ARHGAP35: variants seen among roughly 807,000 people sequenced by gnomAD.
ARHGAP35 encodes rho GTPase-activating protein 35.
In ARHGAP35, 15 loss-of-function variants were observed where a neutral mutation model predicts 111.1. That is an observed-to-expected ratio of 0.13 (90% CI 0.09 to 0.21). The LOEUF is 0.21. Ranked by LOEUF, ARHGAP35 falls within the 10% of genes least tolerant of loss-of-function variation. The pLI, the probability that ARHGAP35 is intolerant of heterozygous loss-of-function variation, is 1.00. For missense variants in ARHGAP35, 1,262 were observed against 1,873.0 expected, an observed-to-expected ratio of 0.67 and a Z score of 6.02; for synonymous variants, 643 against 710.3, an observed-to-expected ratio of 0.91 and a Z score of 1.51.
rs1408743374 is a variant in ARHGAP35 at position 46,891,833 on chromosome 19, T to C, written c.-188-26655T>C. On this transcript the variant is annotated intron_variant, in intron 1 of 6. Coordinates refer to ENST00000672722, the MANE Select transcript of ARHGAP35 (RefSeq NM_004491.5). ...TCAGATTGTCAAAGGGATTCTTAAC[T>C]GCCAAAAGATTAAGAATTGGTTAAC... is the stretch of plus-strand genomic sequence containing the variant. Among the ~76,000 whole-genome samples the C allele has an allele frequency of 2.0e-5, 3 of 152,124 alleles. No individual in the cohort carries two copies. In the East Asian group the frequency reaches 5.8e-4, roughly 29 times the overall value.
intron 3 of ARHGAP35, among the ~76,000 whole-genome samples, chr19:46,962,325 C>CAG (rs1260541432): frequency 6.6e-6 from 1 of 152,208 alleles, no homozygotes; most frequent in East Asian, 1.9e-4. Flanking sequence ...TGCAAGAAGC[C>CAG]AGAGCCCTGG....
chr19:46,925,177 C>T (rs1313637586), intron 2 of ARHGAP35, among the ~76,000 whole-genome samples: 1 of 152,182 alleles, frequency 6.6e-6, no homozygotes, highest in Non-Finnish European at 1.5e-5. Flanking sequence ...ATGGAGTATC[C>T]TCTGGAAAGA....
intron 1 of ARHGAP35, among the ~76,000 whole-genome samples, chr19:46,869,317 C>T (rs983783023): frequency 2.6e-5 from 4 of 151,874 alleles, no homozygotes; most frequent in Non-Finnish European, 5.9e-5. Context: ...GTTGGCCAGG[C>T]GTGGTGGCTC....
chr19:46,864,595 C>T (rs756724140), intron 1 of ARHGAP35, among the ~76,000 whole-genome samples: 15 of 152,214 alleles, frequency 9.9e-5, no homozygotes, highest in Non-Finnish European at 1.8e-4. Context: ...GGACCATTCA[C>T]TCATCAAATA....
chr19:46,891,349 GA>G (rs2122152249), intron 1 of ARHGAP35, among the ~76,000 whole-genome samples: 1 of 152,056 alleles, frequency 6.6e-6, no homozygotes, highest in South Asian at 2.1e-4. Flanking sequence ...GGGGAGTTTG[GA>G]ATTCCTAGTT....
At chr19:46,875,821 A>G (rs932383862) in intron 1 of ARHGAP35, among the ~76,000 whole-genome samples, 6 of 152,078 alleles carry the variant, frequency 3.9e-5, no homozygotes, top group Non-Finnish European at 7.4e-5. Flanking sequence ...GGCACATGCT[A>G]TTGATTTGTT....
Position 46,940,712 on chromosome 19 carries a change from C to T in ARHGAP35, c.3826+3304C>T, listed in dbSNP as rs371492708. Among the ~76,000 whole-genome samples, 152 of 152,056 alleles carry T rather than the reference C, an allele frequency of 1.0e-3. 4 individuals are homozygous for T. The South Asian group carries it at 0.031, about 31-fold the overall frequency. On this transcript the variant is annotated intron_variant, in intron 3 of 6. Coordinates refer to ENST00000672722, the MANE Select transcript of ARHGAP35 (RefSeq NM_004491.5). ...TCAAGCTATCCACAAGCCTCGACCTCCCAAAGTGCTGGCATTACAGGCGTG... is the reference window on the plus strand; with the variant it reads ...TCAAGCTATCCACAAGCCTCGACCTTCCAAAGTGCTGGCATTACAGGCGTG...
In ARHGAP35 at chr19:46,992,982, C is replaced by T. The variant is rs1040643487; in HGVS notation, c.4036+3307C>T. Among the ~76,000 whole-genome samples the T allele has an allele frequency of 3.3e-5, 5 of 152,190 alleles. No individual in the cohort carries two copies. The highest frequency in any genetic ancestry group is 2.1e-4 in the South Asian group (1 of 4,822). On this transcript the variant is annotated intron_variant, in intron 5 of 6. Transcript: ENST00000672722. The surrounding 1 kb of genome is among the most constrained non-coding windows in gnomAD (Gnocchi z 4.4). ...CCTTTGATCTGTCCACATAGCTGCC[C>T]GAGGGCACGGGGGTGCTTCTCACAC...
chr19:46,945,158 AAGGAGGCGGGGTTGAGGGGGAGCTT>A lies in ARHGAP35; in HGVS notation c.3826+7777_3826+7801del, dbSNP rs557446447. 5.1e-4 allele frequency among the ~76,000 whole-genome samples: 78 copies of A among 152,110 alleles called. No homozygotes were observed. The East Asian group carries it at 0.013, about 26-fold the overall frequency. On this transcript the variant is annotated intron_variant, in intron 3 of 6. Coordinates refer to ENST00000672722, the MANE Select transcript of ARHGAP35 (RefSeq NM_004491.5). The surrounding 1 kb of genome is among the most constrained non-coding windows in gnomAD (Gnocchi z 4.1). ...CTCTGGGACCGCCACTGAGAGTGGGAAGGAGGCGGGGTTGAGGGGGAGCTTAGGAGGCGGGGTTGAGGGGGAGCTT... is the reference window on the plus strand; with the variant it reads ...CTCTGGGACCGCCACTGAGAGTGGGAAGGAGGCGGGGTTGAGGGGGAGCTT...
chr19:46,922,349 A>G lies in ARHGAP35; in HGVS notation c.3674A>G (p.Asn1225Ser), dbSNP rs929427082. The change falls in exon 2 of 7, where the codon AAC becomes AGC. Residue 1225 changes from asparagine (N) to serine (S), a missense_variant. Physicochemically the swap from Asn to Ser is conservative, Grantham distance 46. Coordinates refer to ENST00000672722, the MANE Select transcript of ARHGAP35 (RefSeq NM_004491.5). The surrounding 1 kb of genome is among the most constrained non-coding windows in gnomAD (Gnocchi z 4.0). ...AATATTCTTCGCAGCCTAAGGAGGAACACTAAGGTAAGACACCAGTCTAGG... is the reference window on the plus strand; with the variant it reads ...AATATTCTTCGCAGCCTAAGGAGGAGCACTAAGGTAAGACACCAGTCTAGG... ...RRNILRSLRR[N>S]TKKPKPKPRP... 1.9e-6 allele frequency: 3 copies of G among 1,593,292 alleles called. No homozygotes were observed. The highest frequency in any genetic ancestry group is 2.6e-6 in the Non-Finnish European group (3 of 1,169,720).
intron 1 of ARHGAP35, among the ~76,000 whole-genome samples, chr19:46,887,089 T>A (rs1172095052): frequency 6.6e-6 from 1 of 152,174 alleles, no homozygotes; most frequent in East Asian, 1.9e-4. Context: ...CGTCTCATGT[T>A]TGTTAAATTT....
intron 1 of ARHGAP35, among the ~76,000 whole-genome samples, chr19:46,893,240 T>C (rs374120614): frequency 2.8e-4 from 43 of 152,172 alleles, no homozygotes; most frequent in African/African-American, 1.0e-3. Flanking sequence ...AGCAGGAGTG[T>C]GGGGAACAGG....
At chr19:46,985,870 C>G (rs1028913910) in intron 3 of ARHGAP35, among the ~76,000 whole-genome samples, 4 of 116,714 alleles carry the variant, frequency 3.4e-5, no homozygotes, top group African/African-American at 1.4e-4. Context: ...CTCCAGTGTT[C>G]TTGAAGCCTC....
chr19:46,943,620 A>G (rs1428179746), intron 3 of ARHGAP35, among the ~76,000 whole-genome samples: 1 of 152,178 alleles, frequency 6.6e-6, no homozygotes, highest in Non-Finnish European at 1.5e-5. Flanking sequence ...GTCCTAGCTG[A>G]TTAGAGATGA....
Position 46,920,591 on chromosome 19 carries a change from C to G in ARHGAP35, c.1916C>G (p.Pro639Arg), listed in dbSNP as rs777872121. ...DGKMYELSLR[P>R]IEGNVRLPVN... ...AAAATGTATGAGCTTTCCCTGAGGC[C>G]AATAGAGGGGAATGTCAGGCTTCCT... is the stretch of plus-strand genomic sequence containing the variant. Residue 639 changes from proline (P) to arginine (R), a missense_variant, in exon 2 of 7, where the codon CCA becomes CGA. Pro to Arg is a moderately radical substitution (Grantham distance 103). This residue lies in a region of ARHGAP35 where 37 missense variants were observed against 83.9 expected (regional missense o/e 0.44). Transcript: ENST00000672722. This position sits in a 1 kb window ranked among gnomAD's most constrained non-coding sequence, Gnocchi z 7.0. The G allele has an allele frequency of 8.1e-6, 13 of 1,613,984 alleles. No homozygotes were observed. The highest frequency in any genetic ancestry group is 1.1e-5 in the Non-Finnish European group (13 of 1,179,898).
In ARHGAP35 at chr19:46,988,113, C is replaced by A; in HGVS notation, c.3904+47C>A. On this transcript the variant is annotated intron_variant, in intron 4 of 6. Transcript: ENST00000672722. The surrounding 1 kb of genome is among the most constrained non-coding windows in gnomAD (Gnocchi z 5.4). ...CATCCGAGGCCAGAGCTGGTCAAGGCAGACACAGCTGCCTCGGTGAACTGT... is the reference window on the plus strand; with the variant it reads ...CATCCGAGGCCAGAGCTGGTCAAGGAAGACACAGCTGCCTCGGTGAACTGT... The A allele has an allele frequency of 6.4e-7, 1 of 1,572,930 alleles. No homozygotes were observed. The highest frequency in any genetic ancestry group is 8.7e-7 in the Non-Finnish European group (1 of 1,148,292).
intron 3 of ARHGAP35, among the ~76,000 whole-genome samples, chr19:46,965,672 A>G (rs983877872): frequency 6.6e-6 from 1 of 151,964 alleles, no homozygotes; most frequent in African/African-American, 2.4e-5. Flanking sequence ...TTTTGTAGAG[A>G]TGGGGTTTCG....
chr19:46,865,730 C>A (rs868161906), intron 1 of ARHGAP35, among the ~76,000 whole-genome samples: 4 of 152,320 alleles, frequency 2.6e-5, no homozygotes, highest in African/African-American at 9.6e-5. Flanking sequence ...CAACTTTGGT[C>A]CACTGTGGTC....
In ARHGAP35 at chr19:46,993,333, G is replaced by A. The variant is rs1464166661; in HGVS notation, c.4036+3658G>A. 1.3e-5 allele frequency among the ~76,000 whole-genome samples: 2 copies of A among 152,204 alleles called. No individual in the cohort carries two copies. Among genetic ancestry groups the A allele is most frequent in the East Asian group, 1.9e-4 (1 of 5,194 alleles). ...TGCAGGCGTGCAGATGGTCAGCGGCGGCCAGCAGGGACTTTCCTCCAGGCA... is the reference window on the plus strand; with the variant it reads ...TGCAGGCGTGCAGATGGTCAGCGGCAGCCAGCAGGGACTTTCCTCCAGGCA... On this transcript the variant is annotated intron_variant, in intron 5 of 6. Transcript: ENST00000672722. The surrounding 1 kb of genome is among the most constrained non-coding windows in gnomAD (Gnocchi z 4.6).
Sources: gnomAD v4.1 joint callset for allele counts (sites outside exome capture counted in the v4.1 genomes callset) on GRCh38, gnomAD v4.1.1 for gene constraint, gnomAD v4.1.1 regional missense constraint, Gnocchi (gnomAD v3.1) non-coding constraint, MANE v1.5 for transcripts, NCBI Gene and HGNC (gene_info 2026-07-23, HGNC 2026-07-21) for gene names.